The following NAA11 variants were observed in gnomAD, a reference collection of about 807,000 sequenced individuals.
NAA11 encodes N-alpha-acetyltransferase 11.
A neutral mutation model predicts 16.1 loss-of-function variants in NAA11; 15 were observed. That is an observed-to-expected ratio of 0.93 (90% CI 0.62 to 1.44). NAA11 has a LOEUF of 1.44. Among genes scored for constraint, NAA11 ranks in the 40% most tolerant of loss-of-function variants. The pLI is 0.00. For synonymous variants in NAA11, 122 were observed against 112.4 expected (o/e 1.09, Z -0.54); for missense variants, 298 against 291.3 (o/e 1.02, Z -0.17).
chr4:79,280,195 A>G (rs1045236907), intron 2 of NAA11, among the ~76,000 whole-genome samples: 1 of 152,050 alleles, frequency 6.6e-6, no homozygotes, highest in Non-Finnish European at 1.5e-5. Context: ...TCCAGAAGAC[A>G]ATGATGATTG....
chr4:79,272,657 A>G (rs1051597980), intron 2 of NAA11, among the ~76,000 whole-genome samples: 1 of 152,068 alleles, frequency 6.6e-6, no homozygotes, highest in African/African-American at 2.4e-5. Flanking sequence ...CTCAGGAGTT[A>G]TGTCATCAGT....
At chr4:79,308,083 A>T (rs1386749319) in intron 1 of NAA11, among the ~76,000 whole-genome samples, 1 of 151,948 alleles carries the variant, frequency 6.6e-6, no homozygotes, top group African/African-American at 2.4e-5. Flanking sequence ...ATAAAAATTA[A>T]AAGAAGAAGA....
At chr4:79,245,760 G>A (rs1408066266) in intron 2 of NAA11, among the ~76,000 whole-genome samples, 1 of 151,702 alleles carries the variant, frequency 6.6e-6, no homozygotes, top group African/African-American at 2.4e-5. Context: ...CCCCCTCTGG[G>A]AGGTAGGGGG....
the NAA11 span, among the ~76,000 whole-genome samples, chr4:79,169,069 A>G: frequency 1.3e-5 from 2 of 152,208 alleles, no homozygotes; most frequent in African/African-American, 4.8e-5. Context: ...GACCTCTTCA[A>G]GGAGAACTAC....
At chr4:79,299,609 A>C (rs1723329594) in intron 1 of NAA11, 1 of 152,204 alleles carries the variant, frequency 6.6e-6, no homozygotes, top group Admixed American at 6.5e-5. Flanking sequence ...ATTATATATC[A>C]GTTGACACTT....
At chr4:79,324,946 T>C (rs1724213149) in intron 1 of NAA11, among the ~76,000 whole-genome samples, 1 of 152,240 alleles carries the variant, frequency 6.6e-6, no homozygotes, top group East Asian at 1.9e-4. Flanking sequence ...TGCTTGTTTC[T>C]TCATTGAAAT....
At chr4:79,177,559 CATACTATTA>C in the NAA11 span, among the ~76,000 whole-genome samples, 1 of 152,108 alleles carries the variant, frequency 6.6e-6, no homozygotes, top group South Asian at 2.1e-4. Flanking sequence ...TCATTTGAGT[CATACTATTA>C]ATATGAATAG....
chr4:79,219,770 T>C, the NAA11 span, among the ~76,000 whole-genome samples: 6 of 152,222 alleles, frequency 3.9e-5, no homozygotes, highest in Admixed American at 2.6e-4. Context: ...GTAAGTCACA[T>C]GTATCACAAC....
At chr4:79,242,790 A>G (rs1276771028) in intron 2 of NAA11, among the ~76,000 whole-genome samples, 1 of 152,212 alleles carries the variant, frequency 6.6e-6, no homozygotes, top group Non-Finnish European at 1.5e-5. Flanking sequence ...TGGAATAGAA[A>G]ACATCAGGAA....
At chr4:79,320,718 C>A (rs1724065303) in intron 1 of NAA11, among the ~76,000 whole-genome samples, 1 of 152,210 alleles carries the variant, frequency 6.6e-6, no homozygotes, top group East Asian at 1.9e-4. Context: ...CACCAACTGT[C>A]CTGCTCAGCA....
At chr4:79,188,342 T>G in the NAA11 span, among the ~76,000 whole-genome samples, 3 of 152,180 alleles carry the variant, frequency 2.0e-5, no homozygotes, top group African/African-American at 7.2e-5. Flanking sequence ...TCCCAGCACT[T>G]TGGGAGGCCG....
At chr4:79,199,611 G>A in the NAA11 span, among the ~76,000 whole-genome samples, 7 of 151,856 alleles carry the variant, frequency 4.6e-5, no homozygotes, top group South Asian at 1.5e-3. Context: ...TTACAATAAT[G>A]GCTTGTTTAT....
intron 2 of NAA11, among the ~76,000 whole-genome samples, chr4:79,291,768 G>A (rs1723092782): frequency 6.6e-6 from 1 of 151,988 alleles, no homozygotes; most frequent in African/African-American, 2.4e-5. Context: ...AAAAAATCTA[G>A]TAGGCAATAA....
At position 79,248,186 on chromosome 4, in the gene NAA11, C is replaced by A. The variant is rs75427598; in HGVS notation, c.*123-21916G>T. On this transcript the variant is annotated intron_variant and NMD_transcript_variant, in intron 2 of 2. Coordinates refer to the NAA11 transcript ENST00000511542. ...AGCTGTGGTGCCTCCCTGGGGCCCA[C>A]ATCATAGCTCATGCACAGGTAGACC... 3.9e-5 allele frequency among the ~76,000 whole-genome samples: 6 copies of A among 152,248 alleles called. No individual in the cohort carries two copies. In the East Asian group the frequency reaches 1.2e-3, roughly 29 times the overall value.
intron 1 of NAA11, chr4:79,305,318 A>AGAC (rs2110006193): frequency 6.6e-6 from 1 of 152,358 alleles, no homozygotes; most frequent in East Asian, 1.9e-4. Context: ...TTGGAAAACA[A>AGAC]GACTCCTAAT....
intron 2 of NAA11, among the ~76,000 whole-genome samples, chr4:79,267,159 G>T (rs1014735473): frequency 6.6e-6 from 1 of 152,108 alleles, no homozygotes; most frequent in Non-Finnish European, 1.5e-5. Context: ...ATTCATTTAC[G>T]TAGTTTGATG....
Position 79,249,282 on chromosome 4 carries a change from C to T in NAA11, c.*123-23012G>A, listed in dbSNP as rs2170861. ...AGCCAAGCTGAAATGTCTGAAATGACAGATATTGAATTCAGAATATGGATA... is the reference window on the plus strand; with the variant it reads ...AGCCAAGCTGAAATGTCTGAAATGATAGATATTGAATTCAGAATATGGATA... On this transcript the variant is annotated intron_variant and NMD_transcript_variant, in intron 2 of 2. Transcript: ENST00000511542. Among the ~76,000 whole-genome samples the T allele has an allele frequency of 1.5e-3, 229 of 152,268 alleles. 2 individuals carry two copies. The highest frequency in any genetic ancestry group is 6.8e-3 in the Middle Eastern group (2 of 294).
chr4:79,286,929 T>A (rs1722952722), intron 2 of NAA11, among the ~76,000 whole-genome samples: 1 of 152,086 alleles, frequency 6.6e-6, no homozygotes, highest in South Asian at 2.1e-4. Flanking sequence ...TGGGAATACA[T>A]GTTGCTACAA....
chr4:79,325,916 C>T lies in NAA11; in HGVS notation c.-39G>A, dbSNP rs1724265853. 1 of 1,556,988 alleles carries T rather than the reference C, an allele frequency of 6.4e-7. No individual in the cohort carries two copies. The highest frequency in any genetic ancestry group is 8.7e-7 in the Non-Finnish European group (1 of 1,147,772). ...AGGGAACCGGTTGGACTGCAGTGAA[C>T]CCAGAAGAGGCTGTCGCCGACCTTA... On this transcript the variant is annotated 5_prime_UTR_variant, in exon 1 of 2. Transcript: ENST00000286794.
Sources: gnomAD v4.1 joint callset for allele counts (sites outside exome capture counted in the v4.1 genomes callset) on GRCh38, gnomAD v4.1.1 for gene constraint, MANE v1.5 for transcripts, NCBI Gene and HGNC (gene_info 2026-07-23, HGNC 2026-07-21) for gene names.